Variants in CNTN4 observed in about 807,000 individuals in gnomAD.
CNTN4 encodes the protein contactin 4.
CNTN4 carries 77 observed loss-of-function variants against 122.5 expected under a neutral mutation model. The ratio of observed to expected loss-of-function variants is 0.63; its 90% CI spans 0.52 to 0.76. CNTN4 has a LOEUF of 0.76. CNTN4 is among the 30% of genes least tolerant of loss of function. The pLI, the probability that CNTN4 is intolerant of heterozygous loss-of-function variation, is 0.00. For missense variants in CNTN4, 1,256 were observed against 1,259.1 expected, an observed-to-expected ratio of 1.00 and a Z score of 0.04; for synonymous variants, 512 against 447.0, an observed-to-expected ratio of 1.15 and a Z score of -1.83.
chr3:2,366,402 A>G (rs1270197366), intron 3 of CNTN4, among the ~76,000 whole-genome samples: 2 of 152,248 alleles, frequency 1.3e-5, no homozygotes, highest in Admixed American at 1.3e-4. Context: ...TTCATTCATG[A>G]TAATACTTTT....
intron 2 of CNTN4, among the ~76,000 whole-genome samples, chr3:2,171,616 T>C (rs2036517065): frequency 6.6e-6 from 1 of 152,302 alleles, no homozygotes; most frequent in Non-Finnish European, 1.5e-5. Context: ...ACCTGTATGA[T>C]TGAGATCCTA....
chr3:2,199,237 A>AG (rs1011681840), intron 2 of CNTN4, among the ~76,000 whole-genome samples: 75 of 152,286 alleles, frequency 4.9e-4, no homozygotes, highest in Middle Eastern at 3.4e-3. Flanking sequence ...TCCTGCATGA[A>AG]GGATTCTGTG....
chr3:2,509,644 A>G (rs2076828637), intron 3 of CNTN4, among the ~76,000 whole-genome samples: 1 of 152,182 alleles, frequency 6.6e-6, no homozygotes, highest in Non-Finnish European at 1.5e-5. Context: ...GGGAGAGAAT[A>G]CTTTTCTAGC....
chr3:2,823,527 A>T (rs1043100493), intron 7 of CNTN4, among the ~76,000 whole-genome samples: 2 of 152,176 alleles, frequency 1.3e-5, no homozygotes, highest in African/African-American at 4.8e-5. Context: ...TTTTACCATT[A>T]AATATAAGAA....
intron 14 of CNTN4, among the ~76,000 whole-genome samples, chr3:3,005,681 C>A (rs181254385): frequency 3.9e-5 from 6 of 152,236 alleles, no homozygotes; most frequent in African/African-American, 1.4e-4. Flanking sequence ...CCTTACGTGG[C>A]AGTAAGAGAA....
chr3:2,725,460 A>T (rs936690852), intron 4 of CNTN4, among the ~76,000 whole-genome samples: 9 of 152,198 alleles, frequency 5.9e-5, no homozygotes, highest in Non-Finnish European at 1.3e-4. Flanking sequence ...AGGCATTAGC[A>T]CTGCTTTTGG....
At chr3:2,997,114 A>G (rs1020252481) in intron 14 of CNTN4, among the ~76,000 whole-genome samples, 11 of 152,240 alleles carry the variant, frequency 7.2e-5, no homozygotes, top group African/African-American at 1.7e-4. Flanking sequence ...TTTTCAAACT[A>G]TGGAGTCTTT....
intron 6 of CNTN4, among the ~76,000 whole-genome samples, chr3:2,794,657 T>A (rs2092113384): frequency 6.6e-6 from 1 of 152,210 alleles, no homozygotes; most frequent in African/African-American, 2.4e-5. Flanking sequence ...ATAAGTCATC[T>A]CTTGAGTCCT....
chr3:2,545,710 A>G (rs1040221496), intron 3 of CNTN4, among the ~76,000 whole-genome samples: 1 of 140,346 alleles, frequency 7.1e-6, no homozygotes, highest in African/African-American at 2.7e-5. Context: ...TCTGTTTTCC[A>G]TTTGCTTGGT....
intron 4 of CNTN4, among the ~76,000 whole-genome samples, chr3:2,591,873 T>A (rs1043002850): frequency 2.0e-5 from 3 of 152,196 alleles, no homozygotes; most frequent in Non-Finnish European, 4.4e-5. Flanking sequence ...AGGTTTTTAT[T>A]TTTTTATTTA....
At chr3:2,338,400 A>G (rs1197939521) in intron 2 of CNTN4, among the ~76,000 whole-genome samples, 1 of 151,968 alleles carries the variant, frequency 6.6e-6, no homozygotes, top group East Asian at 1.9e-4. Context: ...CCAGAGTAGA[A>G]TAGTATGATT....
At chr3:2,331,751 G>C (rs191865029) in intron 2 of CNTN4, among the ~76,000 whole-genome samples, 2 of 152,276 alleles carry the variant, frequency 1.3e-5, no homozygotes, top group Non-Finnish European at 2.9e-5. Flanking sequence ...GGCCACACAG[G>C]GGCTCAAGAC....
chr3:2,409,822 A>T (rs867958450), intron 3 of CNTN4, among the ~76,000 whole-genome samples: 1 of 152,240 alleles, frequency 6.6e-6, no homozygotes, highest in Middle Eastern at 3.4e-3. Context: ...ATGTCCATGT[A>T]TACATAAAAT....
At chr3:2,109,610 A>G (rs2032786283) in intron 2 of CNTN4, among the ~76,000 whole-genome samples, 1 of 152,204 alleles carries the variant, frequency 6.6e-6, no homozygotes, top group Admixed American at 6.5e-5. Flanking sequence ...TCCAGTCTGG[A>G]CAAGAAGACA....
intron 13 of CNTN4, among the ~76,000 whole-genome samples, chr3:2,954,945 C>T (rs1253713676): frequency 6.6e-6 from 1 of 151,960 alleles, no homozygotes; most frequent in African/African-American, 2.4e-5. Flanking sequence ...AGTCTCATTC[C>T]CTACGCCCTG....
intron 12 of CNTN4, among the ~76,000 whole-genome samples, chr3:2,918,141 A>C (rs909683316): frequency 2.6e-5 from 4 of 152,240 alleles, no homozygotes; most frequent in African/African-American, 9.6e-5. Flanking sequence ...TTGAAAGAGC[A>C]TGATAAGCAA....
chr3:2,266,814 C>T (rs1402113839), intron 2 of CNTN4, among the ~76,000 whole-genome samples: 1 of 152,108 alleles, frequency 6.6e-6, no homozygotes, highest in Non-Finnish European at 1.5e-5. Flanking sequence ...AGAATAGCAG[C>T]TGCCACCACA....
intron 2 of CNTN4, among the ~76,000 whole-genome samples, chr3:2,269,137 C>T (rs548761558): frequency 2.4e-4 from 36 of 152,174 alleles, no homozygotes; most frequent in Middle Eastern, 3.4e-3. Flanking sequence ...AAATTAGCAA[C>T]GTTTTCAAAG....
chr3:2,623,391 G>A (rs1054726931), intron 4 of CNTN4, among the ~76,000 whole-genome samples: 1 of 152,042 alleles, frequency 6.6e-6, no homozygotes, highest in Non-Finnish European at 1.5e-5. Flanking sequence ...AGATATTCTG[G>A]TGGTAGGCGA....
Sources: allele counts gnomAD v4.1 joint callset (sites outside exome capture counted in the v4.1 genomes callset), GRCh38; gene constraint gnomAD v4.1.1; transcripts MANE v1.5; gene names NCBI Gene and HGNC (gene_info 2026-07-23, HGNC 2026-07-21).